Variants in DIS3L2 observed in about 807,000 individuals in gnomAD.
DIS3L2 encodes DIS3-like exonuclease 2.
A neutral mutation model predicts 97.5 loss-of-function variants in DIS3L2; 34 were observed. That is an observed-to-expected ratio of 0.35 (90% CI 0.27 to 0.46). The LOEUF is 0.46. DIS3L2 is among the 20% of genes least tolerant of loss of function. DIS3L2 has a pLI of 1.00. For missense variants in DIS3L2, 1,038 were observed against 1,146.0 expected (o/e 0.91, Z 1.36); for synonymous variants, 435 against 445.2 (o/e 0.98, Z 0.29).
At position 232,264,042 on chromosome 2, in the gene DIS3L2, G is replaced by A. The variant is rs560146315; in HGVS notation, c.1659+602G>A. Among the ~76,000 whole-genome samples the A allele has an allele frequency of 6.6e-5, 10 of 152,336 alleles. No individual in the cohort carries two copies. In the South Asian group the frequency reaches 2.1e-3, roughly 32 times the overall value. On this transcript the variant is annotated intron_variant, in intron 13 of 20. Transcript: ENST00000325385. The stretch of plus-strand genomic sequence containing the variant: ...GGAAGACAATTTTTCCACAGACCAG[G>A]GGTAGGGGATGGTTTCGGGATGAAA...
rs752010322 is a variant in DIS3L2 at position 232,329,869 on chromosome 2, G to A, written c.1796G>A (p.Arg599His). Residue 599 changes from arginine (R) to histidine (H), a missense_variant, in exon 15 of 21, where the codon CGC becomes CAC. Transcript: ENST00000325385. The stretch of plus-strand genomic sequence containing the variant: ...ATGGCAGTGGCCCACAAGATCCACC[G>A]CGCCTTCCCCGAGCAGGCCCTGCTG... ...ANMAVAHKIH[R>H]AFPEQALLRR... 1.4e-5 allele frequency: 20 copies of A among 1,398,358 alleles called. No homozygotes were observed. The highest frequency in any genetic ancestry group is 1.0e-4 in the Admixed American group (5 of 49,452). 86.6% of individuals were successfully genotyped at this position (1,398,358 alleles called of 1,614,324 possible). A position where few individuals can be genotyped will look rare whatever the true frequency, so the allele number is the denominator to read the frequency against.
chr2:232,026,538 A>G (rs3116229), intron 4 of DIS3L2, among the ~76,000 whole-genome samples: 120,988 of 151,536 alleles, frequency 0.8, 48,949 homozygotes, highest in African/African-American at 0.92. Flanking sequence ...AGGCACCCCC[A>G]TTGAGGGGGT....
At chr2:232,080,732 C>G (rs1395857342) in intron 5 of DIS3L2, among the ~76,000 whole-genome samples, 1 of 151,918 alleles carries the variant, frequency 6.6e-6, no homozygotes, top group East Asian at 1.9e-4. Flanking sequence ...AAAACCCCAT[C>G]TCTACAAAAA....
chr2:232,139,880 A>G (rs1368806906), intron 8 of DIS3L2, among the ~76,000 whole-genome samples: 1 of 152,190 alleles, frequency 6.6e-6, no homozygotes, highest in Non-Finnish European at 1.5e-5. Flanking sequence ...AAATGAAAAG[A>G]TTCAGGGGAG....
At chr2:232,207,431 G>C (rs1021258951) in intron 9 of DIS3L2, among the ~76,000 whole-genome samples, 2 of 152,200 alleles carry the variant, frequency 1.3e-5, no homozygotes, top group African/African-American at 4.8e-5. Context: ...CTCTGTTCAA[G>C]GCTCTGGGAA....
chr2:232,322,944 A>T (rs1240879060), intron 14 of DIS3L2, among the ~76,000 whole-genome samples: 3 of 152,200 alleles, frequency 2.0e-5, no homozygotes, highest in Non-Finnish European at 4.4e-5. Flanking sequence ...CTACGAAGCC[A>T]GCTTCCCCTG....
At chr2:232,191,715 TA>T (rs1005044592) in intron 9 of DIS3L2, among the ~76,000 whole-genome samples, 1 of 152,212 alleles carries the variant, frequency 6.6e-6, no homozygotes, top group African/African-American at 2.4e-5. Flanking sequence ...GTTATAAGTT[TA>T]TATATGGGAG....
chr2:231,962,947 C>A (rs1692609990), intron 1 of DIS3L2, among the ~76,000 whole-genome samples: 1 of 143,220 alleles, frequency 7.0e-6, no homozygotes, highest in African/African-American at 3.0e-5. Context: ...AGTATTCCAT[C>A]CTGTACATCC....
downstream of DIS3L2, among the ~76,000 whole-genome samples, chr2:232,340,333 G>A (rs1696077951): frequency 6.6e-6 from 1 of 152,198 alleles, no homozygotes; most frequent in Non-Finnish European, 1.5e-5. Context: ...CCAGCTCTGA[G>A]ACTGAGAGCA....
intron 5 of DIS3L2, among the ~76,000 whole-genome samples, chr2:232,081,191 A>G (rs1696381040): frequency 6.6e-6 from 1 of 152,118 alleles, no homozygotes; most frequent in South Asian, 2.1e-4. Flanking sequence ...GGTGATGTGT[A>G]CTTCCTGATA....
chr2:231,971,403 C>G (rs1012305482), intron 1 of DIS3L2, among the ~76,000 whole-genome samples: 2 of 151,850 alleles, frequency 1.3e-5, no homozygotes, highest in Non-Finnish European at 2.9e-5. Flanking sequence ...TTTAGCCTCC[C>G]GAGTAGCTGG....
At chr2:232,050,792 C>T (rs55647509) in intron 5 of DIS3L2, among the ~76,000 whole-genome samples, 2,143 of 152,290 alleles carry the variant, frequency 0.014, 23 homozygotes, top group Non-Finnish European at 0.021. Context: ...ACTTTGACTA[C>T]CCTCGATGAA....
At chr2:232,060,607 G>T (rs1434235439) in intron 5 of DIS3L2, among the ~76,000 whole-genome samples, 1 of 151,976 alleles carries the variant, frequency 6.6e-6, no homozygotes, top group Non-Finnish European at 1.5e-5. Flanking sequence ...TTCCAGTTTC[G>T]TTCCTTTTGC....
chr2:232,321,412 C>T (rs540703363), intron 14 of DIS3L2, among the ~76,000 whole-genome samples: 6 of 152,320 alleles, frequency 3.9e-5, no homozygotes, highest in Admixed American at 2.0e-4. Context: ...AAGAGGCTCA[C>T]CTGAGGCCCA....
At chr2:232,062,014 A>AT (rs1024271578) in intron 5 of DIS3L2, among the ~76,000 whole-genome samples, 6 of 142,484 alleles carry the variant, frequency 4.2e-5, no homozygotes, top group African/African-American at 1.0e-4. Context: ...AGACAGATAT[A>AT]TTTTTTTAAA....
intron 8 of DIS3L2, among the ~76,000 whole-genome samples, chr2:232,147,483 A>T (rs1690251211): frequency 6.6e-6 from 1 of 152,154 alleles, no homozygotes; most frequent in Admixed American, 6.5e-5. Context: ...ATCTCATATT[A>T]CATTTAGTTG....
intron 10 of DIS3L2, among the ~76,000 whole-genome samples, chr2:232,214,249 T>C (rs186580289): frequency 1.6e-4 from 25 of 152,302 alleles, no homozygotes; most frequent in African/African-American, 5.8e-4. Context: ...GATCACTCTC[T>C]GGTTTTCGAA....
chr2:232,021,425 A>G (rs1376828965), intron 3 of DIS3L2, among the ~76,000 whole-genome samples: 1 of 152,002 alleles, frequency 6.6e-6, no homozygotes, highest in African/African-American at 2.4e-5. Flanking sequence ...GAAGATTGCC[A>G]TCGGAAAGTG....
intron 13 of DIS3L2, among the ~76,000 whole-genome samples, chr2:232,265,967 TG>T (rs1160781807): frequency 1.3e-5 from 2 of 152,244 alleles, no homozygotes; most frequent in Admixed American, 1.3e-4. Context: ...AAACATTTAG[TG>T]ATGGGTTTGT....
Sources: allele counts gnomAD v4.1 joint callset (sites outside exome capture counted in the v4.1 genomes callset), GRCh38; gene constraint gnomAD v4.1.1; transcripts MANE v1.5; gene names NCBI Gene and HGNC (gene_info 2026-07-23, HGNC 2026-07-21).